The following STYXL1 variants were observed in gnomAD, a reference collection of about 807,000 sequenced individuals.
STYXL1 encodes the protein serine/threonine/tyrosine interacting like 1, also known as serine/threonine/tyrosine-interacting-like protein 1.
Under a neutral mutation model 36.4 loss-of-function variants are expected in STYXL1, and 32 were observed. The observed-to-expected ratio is 0.88, with a 90% CI of 0.66 to 1.18. The LOEUF (loss-of-function observed/expected upper bound fraction) is 1.18. Among genes scored for constraint, STYXL1 ranks in the 50% most tolerant of loss-of-function variants. The pLI is 0.00. For synonymous variants in STYXL1, 133 were observed against 144.1 expected (o/e 0.92, Z 0.55); for missense variants, 354 against 394.1 (o/e 0.90, Z 0.86).
intron 4 of STYXL1, among the ~76,000 whole-genome samples, chr7:76,019,282 CTTT>C (rs112308010): frequency 1.5e-5 from 2 of 136,524 alleles, no homozygotes. Context: ...CTGTTTTTTT[CTTT>C]TTTTTTTTTT....
At chr7:76,042,614 C>T (rs958495812) in intron 1 of STYXL1, among the ~76,000 whole-genome samples, 2 of 151,408 alleles carry the variant, frequency 1.3e-5, no homozygotes, top group Admixed American at 6.6e-5. Context: ...CACCATGTGG[C>T]GAGGCTGGTC....
At chr7:76,023,176 T>A (rs1794282211) in intron 3 of STYXL1, among the ~76,000 whole-genome samples, 1 of 151,902 alleles carries the variant, frequency 6.6e-6, no homozygotes, top group Non-Finnish European at 1.5e-5. Context: ...ACTCCACCCC[T>A]CCACACTGAC....
In STYXL1 at chr7:76,004,735, C is replaced by T. The variant is rs187419108; in HGVS notation, c.599+524G>A. Among the ~76,000 whole-genome samples, 343 of 150,884 alleles carry T rather than the reference C, an allele frequency of 2.3e-3. 1 individual carries two copies. Among genetic ancestry groups the T allele is most frequent in the East Asian group, 9.7e-3 (49 of 5,038 alleles). ...TAATAAAATAGGCCAGGCGCGGTGG[C>T]TCATGCCTGTAATCCCAGCACTTTG... On this transcript the variant is annotated intron_variant, in intron 6 of 8. Transcript: ENST00000359697.
chr7:76,007,834 T>C (rs1791981835), intron 5 of STYXL1, among the ~76,000 whole-genome samples: 1 of 145,080 alleles, frequency 6.9e-6, no homozygotes, highest in Non-Finnish European at 1.5e-5. Flanking sequence ...AGTGGGAGGA[T>C]CCCACAGGAG....
intron 1 of STYXL1, among the ~76,000 whole-genome samples, chr7:76,036,613 A>G (rs1795927214): frequency 6.9e-6 from 1 of 145,598 alleles, no homozygotes; most frequent in South Asian, 2.3e-4. Context: ...TTTTGATTAA[A>G]TTTATTTATC....
chr7:76,020,297 T>C (rs1218974540), intron 4 of STYXL1, among the ~76,000 whole-genome samples: 1 of 152,156 alleles, frequency 6.6e-6, no homozygotes, highest in Admixed American at 6.5e-5. Context: ...GGTGGGAGCA[T>C]AGCGCCACCC....
chr7:76,034,525 CAG>C (rs1217945337), intron 1 of STYXL1, among the ~76,000 whole-genome samples: 1 of 152,232 alleles, frequency 6.6e-6, no homozygotes, highest in Admixed American at 6.5e-5. Flanking sequence ...TTCTTCCTTG[CAG>C]ACTGTTCCTC....
rs141904245 is a variant in STYXL1 at position 76,035,815 on chromosome 7, C to A, written c.-4-5288G>T. On this transcript the variant is annotated intron_variant, in intron 1 of 8. Transcript: ENST00000359697. The stretch of plus-strand genomic sequence containing the variant: ...CTAACTCTATCTCCTTACTCACTAG[C>A]CAAAGAATCATCTCTGGTCCTATAG... Among the ~76,000 whole-genome samples, 107 of 149,982 alleles carry A rather than the reference C, an allele frequency of 7.1e-4. 2 individuals carry two copies. The highest frequency in any genetic ancestry group is 2.6e-3 in the African/African-American group (106 of 41,146).
rs782587382 is a variant in STYXL1, at chr7:76,005,350, C to T, written c.508G>A (p.Val170Ile). The T allele has an allele frequency of 3.1e-5, 50 of 1,613,330 alleles. No homozygotes were observed. Among genetic ancestry groups the T allele is most frequent in the African/African-American group, 4.0e-5 (3 of 74,870 alleles). ...TCACAGGCTTGACTGAAATTGCCAACGAAGACCTTCCCTGGCACGATTTCA... is the reference window on the plus strand; with the variant it reads ...TCACAGGCTTGACTGAAATTGCCAATGAAGACCTTCCCTGGCACGATTTCA... ...PIEIVPGKVFVGNFSQACDPK... is the reference protein window; with the variant it reads ...PIEIVPGKVFIGNFSQACDPK... Residue 170 changes from valine (V) to isoleucine (I), a missense_variant, in exon 6 of 9, where the codon GTT (valine) becomes ATT (isoleucine). Coordinates refer to ENST00000359697, the MANE Select transcript of STYXL1 (RefSeq NM_001317785.2).
chr7:76,014,033 C>T (rs906488179), intron 4 of STYXL1, 146 bp from the exon 5 acceptor site: 432 of 821,906 alleles, frequency 5.3e-4, no homozygotes, highest in Non-Finnish European at 7.3e-4. Context: ...GGCTGGAGTG[C>T]AGTGGTGCGA....
intron 1 of STYXL1, among the ~76,000 whole-genome samples, chr7:76,035,838 T>C (rs568854867): frequency 2.7e-5 from 4 of 150,012 alleles, no homozygotes; most frequent in Non-Finnish European, 6.0e-5. Context: ...TCTGGTCCTA[T>C]AGATAAAAAC....
intron 1 of STYXL1, among the ~76,000 whole-genome samples, chr7:76,035,092 C>T (rs1554580451): frequency 6.9e-6 from 1 of 145,620 alleles, no homozygotes. Flanking sequence ...GTTGCTTGGG[C>T]CCGATGACCT....
At chr7:76,002,688 C>A (rs921585949) in intron 7 of STYXL1, among the ~76,000 whole-genome samples, 8 of 152,040 alleles carry the variant, frequency 5.3e-5, no homozygotes, top group African/African-American at 1.9e-4. Flanking sequence ...CTTTGGGAGG[C>A]TGAGGTGGGT....
intron 8 of STYXL1, among the ~76,000 whole-genome samples, chr7:76,000,215 T>C (rs11761749): frequency 0.6 from 70,003 of 116,642 alleles, 21,483 homozygotes; most frequent in Middle Eastern, 0.72. Context: ...CAAGACTCCA[T>C]CTCAAAAAAA....
At chr7:76,012,921 A>G (rs949155641) in intron 5 of STYXL1, among the ~76,000 whole-genome samples, 1 of 152,158 alleles carries the variant, frequency 6.6e-6, no homozygotes, top group Non-Finnish European at 1.5e-5. Context: ...GGTGGTCTCG[A>G]GCCGCCATGC....
chr7:76,039,792 C>T (rs114235082), intron 1 of STYXL1, among the ~76,000 whole-genome samples: 1,523 of 152,240 alleles, frequency 0.01, 22 homozygotes, highest in African/African-American at 0.035. Flanking sequence ...GGACTACAGG[C>T]ATGCACCACC....
In STYXL1 at chr7:75,996,386, G is replaced by A. The variant is rs1398981739; in HGVS notation, c.*82C>T. On this transcript the variant is annotated 3_prime_UTR_variant, in exon 9 of 9. Transcript: ENST00000359697. ...AGGCCTTCTCCTTCCAGACAAGCCT[G>A]GGTATACACACTCTGGCCCTCCACC... 10 of 1,611,954 alleles carry A rather than the reference G, an allele frequency of 6.2e-6. No individual in the cohort carries two copies. Among genetic ancestry groups the A allele is most frequent in the Non-Finnish European group, 8.5e-6 (10 of 1,179,200 alleles).
chr7:75,996,452 T>C lies in STYXL1; in HGVS notation c.*16A>G. ...GGTGAGGCTCTTCAGTACCCTTCGGTGGGCCTCGGAGAAGATCAGTAGAGC... is the reference window on the plus strand; with the variant it reads ...GGTGAGGCTCTTCAGTACCCTTCGGCGGGCCTCGGAGAAGATCAGTAGAGC... On this transcript the variant is annotated 3_prime_UTR_variant, in exon 9 of 9. Coordinates refer to ENST00000359697, the MANE Select transcript of STYXL1 (RefSeq NM_001317785.2). The C allele has an allele frequency of 6.2e-7, 1 of 1,614,150 alleles. No individual in the cohort carries two copies. The highest frequency in any genetic ancestry group is 8.5e-7 in the Non-Finnish European group (1 of 1,180,002).
chr7:76,001,649 A>G (rs1554567473), intron 7 of STYXL1, among the ~76,000 whole-genome samples: 2 of 151,814 alleles, frequency 1.3e-5, no homozygotes, highest in Non-Finnish European at 2.9e-5. Context: ...ACCTGCCACC[A>G]CGCCCAGCTA....
Sources: gnomAD v4.1 joint callset for allele counts (sites outside exome capture counted in the v4.1 genomes callset) on GRCh38, gnomAD v4.1.1 for gene constraint, MANE v1.5 for transcripts, NCBI Gene and HGNC (gene_info 2026-07-23, HGNC 2026-07-21) for gene names.